The following FRMPD1 variants were observed in gnomAD, a reference collection of about 807,000 sequenced individuals.
The protein encoded by FRMPD1 is FERM and PDZ domain-containing protein 1.
In FRMPD1, 76 loss-of-function variants were observed where a neutral mutation model predicts 117.8. The ratio of observed to expected loss-of-function variants is 0.65; its 90% confidence interval spans 0.54 to 0.78. The LOEUF is 0.78. Among genes scored for constraint, FRMPD1 ranks in the 30% least tolerant of loss-of-function variants. The pLI is 0.00. For synonymous variants in FRMPD1, 783 were observed against 770.4 expected, an observed-to-expected ratio of 1.02 and a Z score of -0.27; for missense variants, 1,786 against 1,964.5, an observed-to-expected ratio of 0.91 and a Z score of 1.72.
At position 37,695,871 on chromosome 9, in the gene FRMPD1, C is replaced by T. The variant is rs1284614897; in HGVS notation, c.101+3129C>T. Among the ~76,000 whole-genome samples, 4 of 152,010 alleles carry T rather than the reference C, an allele frequency of 2.6e-5. No homozygotes were observed. In the South Asian group the frequency reaches 6.2e-4, roughly 24 times the overall value. On this transcript the variant is annotated intron_variant, in intron 2 of 15. Coordinates refer to ENST00000377765, the MANE Select transcript of FRMPD1 (RefSeq NM_014907.3). ...TACTCTGCAGCTATAGTGGACTTTT[C>T]GAAATGTAAAATGTTCCTGTCCCAT...
At chr9:37,681,038 CT>C (rs1169491813) in intron 1 of FRMPD1, among the ~76,000 whole-genome samples, 1 of 151,902 alleles carries the variant, frequency 6.6e-6, no homozygotes, top group African/African-American at 2.4e-5. Context: ...AGCAAGACCC[CT>C]GTCTCTACTA....
the FRMPD1 span, among the ~76,000 whole-genome samples, chr9:37,619,928 A>G: frequency 6.6e-6 from 1 of 152,028 alleles, no homozygotes; most frequent in Non-Finnish European, 1.5e-5. Flanking sequence ...AAAAAAAAAA[A>G]AAACCTGTAT....
At position 37,746,523 on chromosome 9, in the gene FRMPD1, G is replaced by A. The variant is rs748761825; in HGVS notation, c.4491G>A (p.Leu1497=). The part of the protein sequence containing the change: ...QGAVRDTFQH[L]VQLAGLCFQF... ...CCGTGCGTGACACCTTCCAGCACCT[G>A]GTCCAGCTGGCCGGCCTGTGCTTTC... is the stretch of plus-strand genomic sequence containing the variant. Residue 1497 remains leucine, a synonymous_variant, in exon 16 of 16, where the codon CTG becomes CTA. Coordinates refer to ENST00000377765, the MANE Select transcript of FRMPD1 (RefSeq NM_014907.3). 16 of 1,613,550 alleles carry A rather than the reference G, an allele frequency of 9.9e-6. No individual in the cohort carries two copies. Among genetic ancestry groups the A allele is most frequent in the Middle Eastern group, 1.6e-4 (1 of 6,084 alleles).
At chr9:37,694,591 A>T (rs906251120) in intron 2 of FRMPD1, among the ~76,000 whole-genome samples, 4 of 152,164 alleles carry the variant, frequency 2.6e-5, no homozygotes, top group Non-Finnish European at 5.9e-5. Flanking sequence ...TCTGTTGCCC[A>T]GGACGGAGTG....
chr9:37,647,147 TTAA>T (rs1214428163), upstream of FRMPD1, among the ~76,000 whole-genome samples: 1 of 152,120 alleles, frequency 6.6e-6, no homozygotes, highest in African/African-American at 2.4e-5. Flanking sequence ...TTGTTCTATA[TTAA>T]TATTAGATCA....
chr9:37,729,626 G>A (rs2118364653), intron 7 of FRMPD1, 102 bp from the exon 8 acceptor site: 2 of 1,253,328 alleles, frequency 1.6e-6, no homozygotes, highest in African/African-American at 1.5e-5. Context: ...GGGCATGTCA[G>A]TGCAGGCTTT....
intron 1 of FRMPD1, among the ~76,000 whole-genome samples, chr9:37,680,116 G>T (rs540015520): frequency 1.4e-4 from 22 of 152,298 alleles, no homozygotes; most frequent in Admixed American, 1.4e-3. Context: ...GGCACAGCCT[G>T]GATCCCTATT....
At chr9:37,667,268 G>A (rs1192186992) in intron 1 of FRMPD1, among the ~76,000 whole-genome samples, 1 of 150,804 alleles carries the variant, frequency 6.6e-6, no homozygotes, top group Admixed American at 6.6e-5. Flanking sequence ...GTCTCACCAT[G>A]TTGGCCAGGC....
At chr9:37,739,999 G>T in intron 14 of FRMPD1, 79 bp from the exon 15 acceptor site, 1 of 1,068,862 alleles carries the variant, frequency 9.4e-7, no homozygotes, top group Non-Finnish European at 1.4e-6. Context: ...TGGCAGGGTT[G>T]GGTGGGGGTC....
rs983940251 is a variant in FRMPD1, at chr9:37,745,063, A to G, written c.3031A>G (p.Ser1011Gly). The change falls in exon 16 of 16, where the codon AGC (serine) becomes GGC (glycine). Residue 1011 changes from serine to glycine, a missense_variant. By Grantham distance (56) the Ser-to-Gly change is moderately conservative. Transcript: ENST00000377765. Reference protein sequence around the residue: ...PKEPTIEHGDSSFSLSSGDPN... With the variant: ...PKEPTIEHGDGSFSLSSGDPN... The stretch of plus-strand genomic sequence containing the variant: ...AGAACCAACCATAGAGCATGGAGAC[A>G]GCTCCTTCTCCCTCTCCAGTGGTGA... 14 of 1,613,950 alleles carry G rather than the reference A, an allele frequency of 8.7e-6. No homozygotes were observed. Among genetic ancestry groups the G allele is most frequent in the Non-Finnish European group, 1.1e-5 (13 of 1,179,964 alleles).
chr9:37,705,106 T>A (rs895343144), intron 2 of FRMPD1, among the ~76,000 whole-genome samples: 1 of 152,190 alleles, frequency 6.6e-6, no homozygotes, highest in African/African-American at 2.4e-5. Flanking sequence ...TTTTTGTGGC[T>A]GTGTTTTGTG....
the FRMPD1 span, among the ~76,000 whole-genome samples, chr9:37,607,540 T>C: frequency 6.6e-6 from 1 of 152,218 alleles, no homozygotes; most frequent in Non-Finnish European, 1.5e-5. Context: ...TGTGTTGCCA[T>C]TGCTAAATTC....
At position 37,745,048 on chromosome 9, in the gene FRMPD1, A is replaced by G. The variant is rs1824627014; in HGVS notation, c.3016A>G (p.Ile1006Val). The G allele has an allele frequency of 6.2e-7, 1 of 1,614,138 alleles. No homozygotes were observed. Among genetic ancestry groups the G allele is most frequent in the Non-Finnish European group, 8.5e-7 (1 of 1,180,020 alleles). The change falls in exon 16 of 16, where the codon ATA becomes GTA. Residue 1006 changes from isoleucine to valine, a missense_variant. Transcript: ENST00000377765. ...LDGIAPKEPT[I>V]EHGDSSFSLS... is the part of the protein sequence containing the mutation. ...TGGGATTGCCCCCAAAGAACCAACC[A>G]TAGAGCATGGAGACAGCTCCTTCTC...
At chr9:37,671,654 G>A (rs1821355841) in intron 1 of FRMPD1, among the ~76,000 whole-genome samples, 1 of 152,116 alleles carries the variant, frequency 6.6e-6, no homozygotes, top group African/African-American at 2.4e-5. Flanking sequence ...TAACAAGTGG[G>A]ATATAAACTG....
At chr9:37,634,705 A>C in the FRMPD1 span, among the ~76,000 whole-genome samples, 2 of 151,330 alleles carry the variant, frequency 1.3e-5, no homozygotes, top group African/African-American at 4.9e-5. Flanking sequence ...AAGCTCTTGC[A>C]GTTGTTTCCT....
Position 37,683,778 on chromosome 9 carries a change from C to T in FRMPD1, c.-4-8860C>T, listed in dbSNP as rs1588924374. On this transcript the variant is annotated intron_variant, in intron 1 of 15. Transcript: ENST00000377765. Reference sequence around the variant, plus strand: ...GAGGGAGATGAAGTTGGCGGGTAGGCAGGGCCAGATCACAAAAGGCTTTGG... The same window carrying T: ...GAGGGAGATGAAGTTGGCGGGTAGGTAGGGCCAGATCACAAAAGGCTTTGG... 6.7e-5 allele frequency among the ~76,000 whole-genome samples: 10 copies of T among 150,266 alleles called. 1 individual carries two copies. In the South Asian group the frequency reaches 2.1e-3, roughly 32 times the overall value.
chr9:37,745,629 A>T lies in FRMPD1; in HGVS notation c.3597A>T (p.Lys1199Asn). The change falls in exon 16 of 16, where the codon AAA becomes AAT. Residue 1199 changes from lysine to asparagine, a missense_variant. Transcript: ENST00000377765. ...PGQGCQAQEQ[K>N]LFVELDLDPD... ...AAGGCTGCCAGGCTCAAGAACAAAAACTATTCGTAGAGTTGGATTTAGACC... is the reference window on the plus strand; with the variant it reads ...AAGGCTGCCAGGCTCAAGAACAAAATCTATTCGTAGAGTTGGATTTAGACC... 6.2e-7 allele frequency: 1 copy of T among 1,614,174 alleles called. No individual in the cohort carries two copies.
At chr9:37,612,747 C>T in the FRMPD1 span, among the ~76,000 whole-genome samples, 1 of 152,200 alleles carries the variant, frequency 6.6e-6, no homozygotes. Context: ...CCGCCTTGGC[C>T]TCCCAAAGTG....
At chr9:37,632,721 G>C in the FRMPD1 span, among the ~76,000 whole-genome samples, 3 of 152,226 alleles carry the variant, frequency 2.0e-5, no homozygotes, top group Middle Eastern at 3.4e-3. Context: ...AATCATTACA[G>C]CCAGGGCTGC....
Sources: gnomAD v4.1 joint callset for allele counts (sites outside exome capture counted in the v4.1 genomes callset) on GRCh38, gnomAD v4.1.1 for gene constraint, MANE v1.5 for transcripts, NCBI Gene and HGNC (gene_info 2026-07-23, HGNC 2026-07-21) for gene names.